TRAF2: variants seen among roughly 807,000 people sequenced by gnomAD.
The protein encoded by TRAF2 is TNF receptor-associated factor 2.
A neutral mutation model predicts 55.6 loss-of-function variants in TRAF2; 6 were observed. That is an observed-to-expected ratio of 0.11 (90% CI 0.06 to 0.21). The LOEUF is 0.21. TRAF2 is among the 10% of genes least tolerant of loss of function. The pLI is 1.00. For missense variants in TRAF2, 561 were observed against 684.5 expected, an observed-to-expected ratio of 0.82 and a Z score of 2.01; for synonymous variants, 329 against 276.3, an observed-to-expected ratio of 1.19 and a Z score of -1.89.
chr9:136,893,984 G>A (rs1349369293), intron 1 of TRAF2, among the ~76,000 whole-genome samples: 2 of 150,922 alleles, frequency 1.3e-5, no homozygotes, highest in East Asian at 1.9e-4. Flanking sequence ...TCCTGACCTC[G>A]TGATTCTCCT....
chr9:136,924,727 G>A lies in TRAF2; in HGVS notation c.1287+727G>A, dbSNP rs565468289. Among the ~76,000 whole-genome samples, 10 of 152,130 alleles carry A rather than the reference G, an allele frequency of 6.6e-5. 1 individual carries two copies. The South Asian group carries it at 1.7e-3, about 25-fold the overall frequency. On this transcript the variant is annotated intron_variant, in intron 10 of 10. Coordinates refer to ENST00000247668, the MANE Select transcript of TRAF2 (RefSeq NM_021138.4). ...ACACAGCTTCGGAGCCCTCTTCGTC[G>A]GAGGTGTCATTTATTTATTTACTTA...
intron 4 of TRAF2, among the ~76,000 whole-genome samples, chr9:136,904,758 C>T (rs1026944741): frequency 5.9e-5 from 2 of 34,068 alleles, no homozygotes; most frequent in Non-Finnish European, 5.9e-5. Context: ...TTTGTGCTTT[C>T]GTTTTTAGGT....
In TRAF2 at chr9:136,898,765, C is replaced by A. The variant is rs763124090; in HGVS notation, c.25C>A (p.Pro9Thr). The change falls in exon 2 of 11, where the codon CCT becomes ACT. Residue 9 changes from proline (P) to threonine (T), a missense_variant. Physicochemically the swap from Pro to Thr is conservative, Grantham distance 38. Coordinates refer to ENST00000247668, the MANE Select transcript of TRAF2 (RefSeq NM_021138.4). ...CATGGCTGCAGCTAGCGTGACCCCC[C>A]CTGGCTCCCTGGAGTTGCTACAGCC... Reference protein sequence around the residue: MAAASVTPPGSLELLQPGF... With the variant: MAAASVTPTGSLELLQPGF... 2 of 1,613,658 alleles carry A rather than the reference C, an allele frequency of 1.2e-6. No homozygotes were observed. Among genetic ancestry groups the A allele is most frequent in the South Asian group, 2.2e-5 (2 of 91,088 alleles).
intron 1 of TRAF2, among the ~76,000 whole-genome samples, chr9:136,892,503 AATG>A (rs1849601020): frequency 6.6e-6 from 1 of 151,990 alleles, no homozygotes; most frequent in East Asian, 1.9e-4. Flanking sequence ...CTTAAAAACC[AATG>A]ATACTTAAAA....
chr9:136,920,389 G>C lies in TRAF2; in HGVS notation c.834G>C (p.Lys278Asn). 1 of 1,614,182 alleles carries C rather than the reference G, an allele frequency of 6.2e-7. No homozygotes were observed. ...AGAGGTGCGAGAGCCTGGAGAAGAA[G>C]ACGGCCACTTTTGAGAACATTGTCT... The part of the protein sequence containing the change: ...LLQRCESLEK[K>N]TATFENIVCV... The change falls in exon 8 of 11, where the codon AAG becomes AAC. Residue 278 changes from lysine to asparagine, a missense_variant. By Grantham distance (94) the Lys-to-Asn change is moderately conservative. Around this residue, in one of 2 missense-constraint regions of TRAF2, gnomAD observed 426 missense variants for 476.8 expected, o/e 0.89. Coordinates refer to ENST00000247668, the MANE Select transcript of TRAF2 (RefSeq NM_021138.4).
At chr9:136,897,066 A>C (rs1474118790) in intron 1 of TRAF2, among the ~76,000 whole-genome samples, 1 of 152,160 alleles carries the variant, frequency 6.6e-6, no homozygotes, top group East Asian at 1.9e-4. Flanking sequence ...CCCCTTCCTG[A>C]GGTTCCCACA....
At chr9:136,889,219 G>GTTT (rs533626382) in intron 1 of TRAF2, among the ~76,000 whole-genome samples, 3 of 123,108 alleles carry the variant, frequency 2.4e-5, no homozygotes, top group Non-Finnish European at 3.5e-5. Context: ...GGTTTTTTCT[G>GTTT]TTTTTTTTTT....
At chr9:136,885,048 C>G (rs1323453370), upstream of TRAF2, among the ~76,000 whole-genome samples, 1 of 152,186 alleles carries the variant, frequency 6.6e-6, no homozygotes, top group Admixed American at 6.6e-5. Context: ...GGGGTGATGA[C>G]GTTGATGGAA....
At chr9:136,902,520 G>C (rs1849844940) in intron 4 of TRAF2, 1 of 152,264 alleles carries the variant, frequency 6.6e-6, no homozygotes, top group Non-Finnish European at 1.5e-5. Flanking sequence ...AAGGACTATA[G>C]CCAGCCCCTG....
At chr9:136,887,054 A>T (rs916989275) in intron 1 of TRAF2, among the ~76,000 whole-genome samples, 2 of 152,054 alleles carry the variant, frequency 1.3e-5, no homozygotes, top group Non-Finnish European at 2.9e-5. Flanking sequence ...GGGGAAGACC[A>T]GTGAGGCTGG....
Position 136,923,893 on chromosome 9 carries a change from A to G in TRAF2, c.1180A>G (p.Ile394Val). 6.2e-7 allele frequency: 1 copy of G among 1,613,856 alleles called. No individual in the cohort carries two copies. Among genetic ancestry groups the G allele is most frequent in the Non-Finnish European group, 8.5e-7 (1 of 1,179,966 alleles). The change falls in exon 10 of 11, where the codon ATC becomes GTC. Residue 394 changes from isoleucine (I) to valine (V), a missense_variant. This residue lies in a region of TRAF2 where 135 missense variants were observed against 207.7 expected (regional missense o/e 0.65). Transcript: ENST00000247668. Reference sequence around the variant, plus strand: ...GTACGGCTACAAGATGTGTCTGCGTATCTACCTGAACGGCGACGGCACCGG... The same window carrying G: ...GTACGGCTACAAGATGTGTCTGCGTGTCTACCTGAACGGCGACGGCACCGG... ...SRYGYKMCLR[I>V]YLNGDGTGRG...
intron 7 of TRAF2, among the ~76,000 whole-genome samples, chr9:136,918,227 T>TTTTATATATA (rs1470739601): frequency 5.9e-5 from 4 of 68,080 alleles, no homozygotes; most frequent in Non-Finnish European, 1.1e-4. Flanking sequence ...AGTGTTTTGT[T>TTTTATATATA]TATATATATA....
chr9:136,919,864 C>T (rs908743476), intron 7 of TRAF2, among the ~76,000 whole-genome samples: 4 of 151,842 alleles, frequency 2.6e-5, no homozygotes, highest in Admixed American at 1.3e-4. Flanking sequence ...CACTGGCACA[C>T]ACCACCATGC....
intron 4 of TRAF2, 190 bp downstream of exon 4, chr9:136,900,710 C>T (rs1454564863): frequency 6.2e-6 from 4 of 640,908 alleles, no homozygotes; most frequent in Non-Finnish European, 1.2e-5. Flanking sequence ...TAGTGCAGAG[C>T]ACAGACCTGC....
chr9:136,909,814 G>GC (rs1850057630), intron 5 of TRAF2, 106 bp from the exon 6 acceptor site: 1 of 1,133,088 alleles, frequency 8.8e-7, no homozygotes, highest in Admixed American at 1.9e-5. Context: ...GTGACCACGT[G>GC]CTCCTGCGGC....
upstream of TRAF2, chr9:136,882,024 G>A: frequency 1.6e-5 from 16 of 985,198 alleles, no homozygotes; most frequent in Non-Finnish European, 1.7e-5. Flanking sequence ...GTGGACTGCG[G>A]CTATTTGAGG....
chr9:136,916,618 G>GAGTC lies in TRAF2; in HGVS notation c.678+4_678+7dup, dbSNP rs577745792. On this transcript the variant is annotated splice_donor_region_variant and intron_variant, in intron 7 of 10. Transcript: ENST00000247668. ...ACGCCATCGGCTGCCTCGAGACGGT[G>GAGTC]AGTCGGGGGGTCTGAGGTTGGGGGC... 1.7e-5 allele frequency: 28 copies of GAGTC among 1,613,686 alleles called. No individual in the cohort carries two copies. The East Asian group carries it at 6.0e-4, about 35-fold the overall frequency.
Position 136,898,905 on chromosome 9 carries a change from C to A in TRAF2, c.165C>A (p.Ser55=), listed in dbSNP as rs770723056. ...CGCAGTGTGGCCACCGGTACTGCTC[C>A]TTCTGCCTGGCCAGCATCCTCAGGT... ...FQAQCGHRYC[S]FCLASILSSG... is the part of the protein sequence containing the mutation. Residue 55 remains serine (S), a synonymous_variant, in exon 2 of 11, where the codon TCC becomes TCA. Transcript: ENST00000247668. 6 of 1,610,388 alleles carry A rather than the reference C, an allele frequency of 3.7e-6. No individual in the cohort carries two copies. The African/African-American group carries it at 8.0e-5, about 22-fold the overall frequency.
In TRAF2 at chr9:136,908,031, C is replaced by T. The variant is rs192021933; in HGVS notation, c.367-39C>T. On this transcript the variant is annotated intron_variant, in intron 4 of 10. Transcript: ENST00000247668. ...TGAAGCTGTGGCTGCCCAAATGTCC[C>T]ACGCGAGTTCTACTGACGCTTCCTC... 2.7e-3 allele frequency: 4,214 copies of T among 1,570,478 alleles called. 5 individuals carry two copies. The highest frequency in any genetic ancestry group is 3.5e-3 in the Non-Finnish European group (4,057 of 1,163,676).
Sources: gnomAD v4.1 joint callset for allele counts (sites outside exome capture counted in the v4.1 genomes callset) on GRCh38, gnomAD v4.1.1 for gene constraint, gnomAD v4.1.1 regional missense constraint, MANE v1.5 for transcripts, NCBI Gene and HGNC (gene_info 2026-07-23, HGNC 2026-07-21) for gene names.